The following C1GALT1 variants were observed in gnomAD, a reference collection of about 807,000 sequenced individuals.
C1GALT1 encodes the protein core 1 synthase, glycoprotein-N-acetylgalactosamine 3-beta-galactosyltransferase 1, also known as glycoprotein-N-acetylgalactosamine 3-beta-galactosyltransferase 1.
In C1GALT1, 11 loss-of-function variants were observed where a neutral mutation model predicts 31.0. The ratio of observed to expected loss-of-function variants is 0.36; its 90% CI spans 0.22 to 0.59. The LOEUF is 0.59. C1GALT1 is among the 20% of genes least tolerant of loss of function. The pLI is 0.79. For synonymous variants in C1GALT1, 175 were observed against 143.6 expected (o/e 1.22, Z -1.56); for missense variants, 424 against 425.2 (o/e 1.00, Z 0.03).
chr7:7,169,621 T>G (rs1780431530), intron 2 of C1GALT1, among the ~76,000 whole-genome samples: 3 of 152,214 alleles, frequency 2.0e-5, no homozygotes. Flanking sequence ...TGCATTACCC[T>G]AATAACTAAG....
intron 1 of C1GALT1, among the ~76,000 whole-genome samples, chr7:7,201,739 GCTATATGCCCTCCCC>G (rs1781539408): frequency 6.6e-6 from 1 of 152,164 alleles, no homozygotes; most frequent in Non-Finnish European, 1.5e-5. Context: ...GCTGCCCCAG[GCTATATGCCCTCCCC>G]CTCCCCCGAG....
At chr7:7,174,448 A>G (rs535779405) in intron 2 of C1GALT1, among the ~76,000 whole-genome samples, 47 of 152,310 alleles carry the variant, frequency 3.1e-4, no homozygotes, top group African/African-American at 1.1e-3. Context: ...CTGCCTTTCA[A>G]CATGCCTACA....
intron 2 of C1GALT1, among the ~76,000 whole-genome samples, chr7:7,166,107 T>C (rs1200544301): frequency 1.3e-5 from 2 of 152,036 alleles, no homozygotes; most frequent in African/African-American, 4.8e-5. Context: ...ATAACAACCA[T>C]GTGAAAAAAA....
chr7:7,211,258 C>T (rs1268940189), intron 1 of C1GALT1, among the ~76,000 whole-genome samples: 2 of 152,166 alleles, frequency 1.3e-5, no homozygotes, highest in East Asian at 1.9e-4. Flanking sequence ...TAACCAATTC[C>T]TTAAGGAAGA....
chr7:7,227,239 T>G (rs1358344357), intron 1 of C1GALT1, among the ~76,000 whole-genome samples: 1 of 152,174 alleles, frequency 6.6e-6, no homozygotes, highest in Non-Finnish European at 1.5e-5. Context: ...ACTGTAGGGT[T>G]ATGGTTTGAA....
intron 1 of C1GALT1, among the ~76,000 whole-genome samples, chr7:7,230,833 A>T (rs1057491914): frequency 4.0e-5 from 6 of 151,442 alleles, no homozygotes; most frequent in Non-Finnish European, 5.9e-5. Context: ...AACTCTATGG[A>T]TCCTCCTTAT....
Position 7,245,599 on chromosome 7 carries a change from T to G in C1GALT1, c.*1872T>G, listed in dbSNP as rs1299167300. 6.6e-6 allele frequency: 1 copy of G among 152,248 alleles called. No homozygotes were observed. The highest frequency in any genetic ancestry group is 1.5e-5 in the Non-Finnish European group (1 of 68,042). 9.4% of individuals were successfully genotyped at this position (152,248 alleles called of 1,614,324 possible). A position where few individuals can be genotyped will look rare whatever the true frequency, so the allele number is the denominator to read the frequency against. ...CTACTCTGTCCACGTAGTGAAAACA[T>G]GCACCAGTTTTTACCTATTATCATG... On this transcript the variant is annotated 3_prime_UTR_variant, in exon 4 of 4. Coordinates refer to ENST00000436587, the MANE Select transcript of C1GALT1 (RefSeq NM_020156.5).
intron 1 of C1GALT1, among the ~76,000 whole-genome samples, chr7:7,196,522 A>G (rs55809219): frequency 0.18 from 27,498 of 152,168 alleles, 3,039 homozygotes; most frequent in East Asian, 0.37. Flanking sequence ...CACAGTAAAC[A>G]TACATGTGCA....
chr7:7,160,867 A>G (rs1411858026), intron 2 of C1GALT1, among the ~76,000 whole-genome samples: 1 of 152,150 alleles, frequency 6.6e-6, no homozygotes, highest in Non-Finnish European at 1.5e-5. Flanking sequence ...ACTTGGAACT[A>G]TAGCTGAAAA....
At chr7:7,222,010 A>G (rs1311813093) in intron 1 of C1GALT1, among the ~76,000 whole-genome samples, 14 of 152,180 alleles carry the variant, frequency 9.2e-5, no homozygotes, top group Non-Finnish European at 1.8e-4. Flanking sequence ...ATTACCCTCT[A>G]TGGGACCTTC....
At chr7:7,215,186 G>A (rs1225162919) in intron 1 of C1GALT1, among the ~76,000 whole-genome samples, 1 of 152,176 alleles carries the variant, frequency 6.6e-6, no homozygotes, top group East Asian at 1.9e-4. Flanking sequence ...CTGCTTTGCT[G>A]GGCTGGCTTG....
At position 7,168,186 on chromosome 7, in the gene C1GALT1, C is replaced by T. The variant is rs149884523; in HGVS notation, c.-18+10760C>T. The stretch of plus-strand genomic sequence containing the variant: ...TGGGATATAGAAGTCAGGGGCATGA[C>T]AGAAATTGGAAATTTAGAAAAGATG... On this transcript the variant is annotated intron_variant, in intron 2 of 3. Transcript: ENST00000429911. 2.4e-3 allele frequency among the ~76,000 whole-genome samples: 369 copies of T among 152,256 alleles called. 7 individuals carry two copies. Among genetic ancestry groups the T allele is most frequent in the Admixed American group, 0.016 (245 of 15,284 alleles).
chr7:7,197,177 C>A (rs1562566733), intron 1 of C1GALT1, among the ~76,000 whole-genome samples: 2 of 152,256 alleles, frequency 1.3e-5, no homozygotes, highest in South Asian at 2.1e-4. Context: ...GGTTTTAGGT[C>A]TAACATTTAA....
At chr7:7,222,530 A>T (rs1339169540) in intron 1 of C1GALT1, among the ~76,000 whole-genome samples, 1 of 152,198 alleles carries the variant, frequency 6.6e-6, no homozygotes, top group Non-Finnish European at 1.5e-5. Context: ...CTATTATACA[A>T]AGTGTTATTT....
chr7:7,214,309 T>C (rs1782134004), intron 1 of C1GALT1, among the ~76,000 whole-genome samples: 1 of 152,160 alleles, frequency 6.6e-6, no homozygotes, highest in South Asian at 2.1e-4. Context: ...AGGAGTTCCA[T>C]GCTACCAGAA....
chr7:7,201,331 A>G lies in C1GALT1; in HGVS notation c.-18+18511A>G, dbSNP rs532904338. Reference sequence around the variant, plus strand: ...GCTGCAGAACAGCGAATGTTGCAGAACAGAGATGTTGCTACCCGATCTTTC... The same window carrying G: ...GCTGCAGAACAGCGAATGTTGCAGAGCAGAGATGTTGCTACCCGATCTTTC... On this transcript the variant is annotated intron_variant, in intron 1 of 3. Transcript: ENST00000436587. 1.2e-4 allele frequency among the ~76,000 whole-genome samples: 19 copies of G among 152,276 alleles called. No homozygotes were observed. The South Asian group carries it at 3.9e-3, about 32-fold the overall frequency.
chr7:7,216,412 C>A (rs1462605632), intron 1 of C1GALT1, among the ~76,000 whole-genome samples: 2 of 152,112 alleles, frequency 1.3e-5, no homozygotes, highest in African/African-American at 2.4e-5. Flanking sequence ...CTAACCACAT[C>A]TACCCAAGCA....
At chr7:7,234,189 C>G in intron 1 of C1GALT1, 114 bp from the exon 2 acceptor site, 1 of 747,510 alleles carries the variant, frequency 1.3e-6, no homozygotes, top group Non-Finnish European at 2.2e-6. Flanking sequence ...TAGATAATAG[C>G]TAAATACTGT....
chr7:7,190,677 A>T (rs572326815), intron 1 of C1GALT1, among the ~76,000 whole-genome samples: 17 of 151,974 alleles, frequency 1.1e-4, no homozygotes, highest in African/African-American at 3.9e-4. Context: ...AGTGATACTC[A>T]CCTATTTTTC....
Sources: allele counts gnomAD v4.1 joint callset (sites outside exome capture counted in the v4.1 genomes callset), GRCh38; gene constraint gnomAD v4.1.1; transcripts MANE v1.5; gene names NCBI Gene and HGNC (gene_info 2026-07-23, HGNC 2026-07-21).